Variants in HIVEP2 observed in about 807,000 individuals in gnomAD.
HIVEP2 encodes the protein transcription factor HIVEP2.
HIVEP2 carries 14 observed loss-of-function variants against 180.7 expected under a neutral mutation model. The observed-to-expected ratio is 0.08, with a 90% CI of 0.05 to 0.12. HIVEP2 has a LOEUF of 0.12. Among genes scored for constraint, HIVEP2 ranks in the 10% least tolerant of loss-of-function variants. HIVEP2 has a pLI of 1.00. For synonymous variants in HIVEP2, 1,184 were observed against 1,136.4 expected (o/e 1.04, Z -0.84); for missense variants, 2,579 against 3,008.5 (o/e 0.86, Z 3.34).
At chr6:142,802,496 CATCTG>C (rs1355421484) in intron 2 of HIVEP2, among the ~76,000 whole-genome samples, 1 of 151,344 alleles carries the variant, frequency 6.6e-6, no homozygotes, top group Non-Finnish European at 1.5e-5. Context: ...CTGACTAGTA[CATCTG>C]AGTCTTGGCC....
intron 2 of HIVEP2, among the ~76,000 whole-genome samples, chr6:142,827,705 G>A (rs1774951039): frequency 6.6e-6 from 1 of 152,158 alleles, no homozygotes; most frequent in South Asian, 2.1e-4. Flanking sequence ...GAGGTAGCAG[G>A]GAGGAGGAGG....
chr6:142,903,202 C>T (rs181585951), intron 1 of HIVEP2, among the ~76,000 whole-genome samples: 1 of 152,310 alleles, frequency 6.6e-6, no homozygotes, highest in Admixed American at 6.5e-5. Flanking sequence ...GACACTTAAA[C>T]AATTATGTGA....
chr6:142,909,105 G>A (rs1260858102), intron 1 of HIVEP2, among the ~76,000 whole-genome samples: 1 of 152,162 alleles, frequency 6.6e-6, no homozygotes, highest in Non-Finnish European at 1.5e-5. Flanking sequence ...TGGAGCCTGT[G>A]TGTCTGCCTA....
chr6:142,847,471 G>A (rs1308610762), intron 1 of HIVEP2, among the ~76,000 whole-genome samples: 3 of 151,846 alleles, frequency 2.0e-5, no homozygotes, highest in African/African-American at 2.4e-5. Context: ...ACATATTTGC[G>A]ATTTAAAATG....
intron 1 of HIVEP2, among the ~76,000 whole-genome samples, chr6:142,902,817 T>C (rs953110787): frequency 2.6e-5 from 4 of 152,202 alleles, no homozygotes; most frequent in Non-Finnish European, 1.5e-5. Flanking sequence ...AGATGCCCCT[T>C]ACTGCTTGTG....
intron 6 of HIVEP2, 55 bp from the exon 7 acceptor site, chr6:142,765,029 T>C: frequency 2.0e-6 from 3 of 1,486,394 alleles, no homozygotes; most frequent in Non-Finnish European, 2.7e-6. Flanking sequence ...GCATGCTATA[T>C]ATTAAAGCAA....
chr6:142,818,022 A>G (rs1045655489), intron 2 of HIVEP2, among the ~76,000 whole-genome samples: 11 of 151,854 alleles, frequency 7.2e-5, no homozygotes, highest in African/African-American at 2.7e-4. Flanking sequence ...AAAAAAAACA[A>G]GTAAAATAAA....
At chr6:142,938,971 T>C (rs1778114670) in intron 1 of HIVEP2, among the ~76,000 whole-genome samples, 1 of 152,210 alleles carries the variant, frequency 6.6e-6, no homozygotes, top group Non-Finnish European at 1.5e-5. Context: ...GGCCCATTCC[T>C]TATACATGTA....
At chr6:142,859,458 C>G (rs1289220700) in intron 1 of HIVEP2, among the ~76,000 whole-genome samples, 3 of 137,752 alleles carry the variant, frequency 2.2e-5, no homozygotes, top group African/African-American at 8.0e-5. Context: ...AAGACCCAGT[C>G]TCAAAAAAAA....
chr6:142,754,054 T>TA, intron 9 of HIVEP2, 123 bp from the exon 10 acceptor site: 2 of 558,332 alleles, frequency 3.6e-6, no homozygotes, highest in African/African-American at 1.9e-5. Flanking sequence ...CTTCAATACC[T>TA]AATTCTTTGA....
intron 2 of HIVEP2, among the ~76,000 whole-genome samples, chr6:142,816,714 C>G (rs1157557779): frequency 6.6e-6 from 1 of 152,240 alleles, no homozygotes; most frequent in African/African-American, 2.4e-5. Context: ...TCTTAATGCA[C>G]AAGGCTCTAA....
At position 142,943,380 on chromosome 6, in the gene HIVEP2, T is replaced by C. The variant is rs888343570; in HGVS notation, c.-641+1719A>G. Among the ~76,000 whole-genome samples, 1 of 152,234 alleles carries C rather than the reference T, an allele frequency of 6.6e-6. No individual in the cohort carries two copies. Among genetic ancestry groups the C allele is most frequent in the Non-Finnish European group, 1.5e-5 (1 of 68,028 alleles). On this transcript the variant is annotated intron_variant, in intron 1 of 9. Coordinates refer to ENST00000367603, the MANE Select transcript of HIVEP2 (RefSeq NM_006734.4). This position sits in a 1 kb window ranked among gnomAD's most constrained non-coding sequence, Gnocchi z 4.5. ...CTCAAGGGCAAATATCACCAAATAT[T>C]ACTATATCACTGGAGGAAACGTTTC...
At chr6:142,800,461 C>T (rs1191301969) in intron 2 of HIVEP2, among the ~76,000 whole-genome samples, 3 of 152,034 alleles carry the variant, frequency 2.0e-5, no homozygotes, top group African/African-American at 4.8e-5. Flanking sequence ...AGTATTTGGC[C>T]TTCATTTTTA....
intron 1 of HIVEP2, among the ~76,000 whole-genome samples, chr6:142,920,930 CT>C (rs1489520696): frequency 6.6e-6 from 1 of 152,168 alleles, no homozygotes; most frequent in East Asian, 1.9e-4. Context: ...CTGTAGTGAG[CT>C]ATTATCATGC....
chr6:142,885,235 T>TC (rs1252016818), intron 1 of HIVEP2, among the ~76,000 whole-genome samples: 1 of 152,174 alleles, frequency 6.6e-6, no homozygotes, highest in Admixed American at 6.5e-5. Flanking sequence ...AATGCACCTT[T>TC]CCCCACACAC....
At position 142,759,778 on chromosome 6, in the gene HIVEP2, C is replaced by G. The variant is rs79892063; in HGVS notation, c.6510G>C (p.Gly2170=). 1.3e-3 allele frequency: 2,038 copies of G among 1,600,220 alleles called. 34 individuals are homozygous for G. The East Asian group carries it at 0.036, about 28-fold the overall frequency. ...AAAAGTGGATTATACTTACAGGAGGCCCCAATACAATTGGCTCTGCTTGCA... is the reference window on the plus strand; with the variant it reads ...AAAAGTGGATTATACTTACAGGAGGGCCCAATACAATTGGCTCTGCTTGCA... The part of the protein sequence containing the change: ...QYLQAEPIVL[G]PPNLRRGLPQ... Residue 2170 remains glycine (G), a synonymous_variant, in exon 9 of 10, where the codon GGG becomes GGC. Transcript: ENST00000367603.
chr6:142,891,948 T>C (rs1478390223), intron 1 of HIVEP2, among the ~76,000 whole-genome samples: 1 of 152,168 alleles, frequency 6.6e-6, no homozygotes, highest in Non-Finnish European at 1.5e-5. Context: ...TTATGTCCCA[T>C]TTATTCTTTG....
At chr6:142,910,675 G>T (rs1365982782) in intron 1 of HIVEP2, among the ~76,000 whole-genome samples, 6 of 152,202 alleles carry the variant, frequency 3.9e-5, no homozygotes, top group Non-Finnish European at 8.8e-5. Flanking sequence ...TTAGAAGCAA[G>T]ATCCCTACTG....
At chr6:142,916,564 T>G (rs933346825) in intron 1 of HIVEP2, among the ~76,000 whole-genome samples, 1 of 152,188 alleles carries the variant, frequency 6.6e-6, no homozygotes, top group African/African-American at 2.4e-5. Context: ...ATTAGTCAAT[T>G]TGGGCTCAAG....
Sources: gnomAD v4.1 joint callset for allele counts (sites outside exome capture counted in the v4.1 genomes callset) on GRCh38, gnomAD v4.1.1 for gene constraint, Gnocchi (gnomAD v3.1) non-coding constraint, MANE v1.5 for transcripts, NCBI Gene and HGNC (gene_info 2026-07-23, HGNC 2026-07-21) for gene names.